Variants in TCERG1L observed in about 807,000 individuals in gnomAD.
TCERG1L encodes transcription elongation regulator 1-like protein.
TCERG1L carries 37 observed loss-of-function variants against 56.3 expected under a neutral mutation model. The ratio of observed to expected loss-of-function variants is 0.66; its 90% CI spans 0.51 to 0.87. The LOEUF is 0.87. TCERG1L is among the 40% of genes least tolerant of loss of function. The pLI, the probability that TCERG1L is intolerant of heterozygous loss-of-function variation, is 0.00. For missense variants in TCERG1L, 799 were observed against 774.2 expected (o/e 1.03, Z -0.38); for synonymous variants, 324 against 326.3 (o/e 0.99, Z 0.08).
At chr10:131,265,846 G>A (rs1392108679) in intron 3 of TCERG1L, among the ~76,000 whole-genome samples, 1 of 152,230 alleles carries the variant, frequency 6.6e-6, no homozygotes, top group Non-Finnish European at 1.5e-5. Flanking sequence ...TCAGGATGGT[G>A]GTTGCTGAAG....
chr10:131,264,999 T>C (rs562535071), intron 3 of TCERG1L, among the ~76,000 whole-genome samples: 1 of 152,294 alleles, frequency 6.6e-6, no homozygotes, highest in Non-Finnish European at 1.5e-5. Flanking sequence ...GACTCTTGCC[T>C]GTCCCAGCCG....
At chr10:131,236,445 G>A (rs879421377) in intron 4 of TCERG1L, among the ~76,000 whole-genome samples, 4 of 152,278 alleles carry the variant, frequency 2.6e-5, no homozygotes, top group Middle Eastern at 3.4e-3. Context: ...GCCACAAACC[G>A]CATGATGTGG....
chr10:131,260,402 A>G lies in TCERG1L; in HGVS notation c.713T>C (p.Ile238Thr). The G allele has an allele frequency of 6.8e-7, 1 of 1,473,686 alleles. No homozygotes were observed. The highest frequency in any genetic ancestry group is 1.5e-5 in the African/African-American group (1 of 67,526). The allele number at this position is 1,473,686 out of a possible 1,614,324, so 91.3% of individuals were successfully genotyped here. A position where few individuals can be genotyped will look rare whatever the true frequency, so the allele number is the denominator to read the frequency against. Reference sequence around the variant, plus strand: ...AGCGGCGGCGGCGGTGGCGATGGCAATGGCGGGGCTGCTGGTCACCTTAAG... The same window carrying G: ...AGCGGCGGCGGCGGTGGCGATGGCAGTGGCGGGGCTGCTGGTCACCTTAAG... ...NSLKVTSSPA[I>T]AIATAAAAAM... Residue 238 changes from isoleucine to threonine, a missense_variant, in exon 4 of 12, where the codon ATT becomes ACT. Transcript: ENST00000368642. The surrounding 1 kb of genome is among the most constrained non-coding windows in gnomAD (Gnocchi z 5.8).
intron 4 of TCERG1L, among the ~76,000 whole-genome samples, chr10:131,210,077 A>G (rs1589749926): frequency 6.6e-6 from 1 of 152,268 alleles, no homozygotes; most frequent in Non-Finnish European, 1.5e-5. Context: ...CAGAAGTGAC[A>G]TAAAGATCAC....
At chr10:131,155,500 TCCA>T (rs1217172697) in intron 6 of TCERG1L, among the ~76,000 whole-genome samples, 1 of 152,152 alleles carries the variant, frequency 6.6e-6, no homozygotes, top group Non-Finnish European at 1.5e-5. Flanking sequence ...TCAGCCAGGC[TCCA>T]CCCGGGCTGG....
chr10:131,136,959 G>C (rs1845682009), intron 7 of TCERG1L, among the ~76,000 whole-genome samples: 1 of 151,640 alleles, frequency 6.6e-6, no homozygotes, highest in Non-Finnish European at 1.5e-5. Flanking sequence ...GGCCAACATG[G>C]TGAAACCTCG....
At chr10:131,126,457 G>A (rs138461632) in intron 8 of TCERG1L, among the ~76,000 whole-genome samples, 188 of 152,356 alleles carry the variant, frequency 1.2e-3, no homozygotes, top group African/African-American at 4.3e-3. Flanking sequence ...TTTGCTGGTG[G>A]CCTCGTTCTG....
intron 3 of TCERG1L, among the ~76,000 whole-genome samples, chr10:131,291,919 G>C (rs968543361): frequency 3.3e-5 from 5 of 152,162 alleles, no homozygotes; most frequent in African/African-American, 1.2e-4. Flanking sequence ...TATGTGAATA[G>C]AGTATTTTCT....
At chr10:131,203,113 GC>G (rs1259528068) in intron 4 of TCERG1L, among the ~76,000 whole-genome samples, 2 of 152,126 alleles carry the variant, frequency 1.3e-5, no homozygotes, top group Admixed American at 1.3e-4. Flanking sequence ...ATAGACAACA[GC>G]CCTCAAAGCT....
chr10:131,167,808 T>C (rs1846047921), intron 4 of TCERG1L, among the ~76,000 whole-genome samples: 1 of 152,194 alleles, frequency 6.6e-6, no homozygotes, highest in Non-Finnish European at 1.5e-5. Flanking sequence ...TTCCCAAAGA[T>C]TGTTACTTTT....
chr10:131,264,339 C>T (rs1285596283), intron 3 of TCERG1L, among the ~76,000 whole-genome samples: 1 of 152,174 alleles, frequency 6.6e-6, no homozygotes, highest in Non-Finnish European at 1.5e-5. Flanking sequence ...GCTCCTGGGT[C>T]GGGAAGGGGC....
intron 4 of TCERG1L, among the ~76,000 whole-genome samples, chr10:131,188,939 T>C (rs1589741935): frequency 6.6e-6 from 1 of 152,224 alleles, no homozygotes; most frequent in Non-Finnish European, 1.5e-5. Flanking sequence ...TCTATCCCTT[T>C]TTCTGTACAC....
intron 4 of TCERG1L, among the ~76,000 whole-genome samples, chr10:131,197,112 T>C (rs2944470): frequency 0.45 from 68,197 of 151,772 alleles, 16,765 homozygotes; most frequent in South Asian, 0.62. Flanking sequence ...AGAAGTTTTG[T>C]TGCAGCTTTC....
At chr10:131,226,359 G>T (rs1044548909) in intron 4 of TCERG1L, among the ~76,000 whole-genome samples, 3 of 152,200 alleles carry the variant, frequency 2.0e-5, no homozygotes, top group African/African-American at 4.8e-5. Flanking sequence ...GTCCAGGTGT[G>T]AGCCTCCATG....
At position 131,288,627 on chromosome 10, in the gene TCERG1L, C is replaced by T. The variant is rs117430480; in HGVS notation, c.670+19584G>A. On this transcript the variant is annotated intron_variant, in intron 3 of 11. Transcript: ENST00000368642. ...AAAATTACCTCGGAACGGGCCCTTA[C>T]TTGAAGTAGAATCTTTGCAGATGAA... Among the ~76,000 whole-genome samples the T allele has an allele frequency of 4.0e-3, 613 of 152,300 alleles. 1 individual carries two copies. The highest frequency in any genetic ancestry group is 5.2e-3 in the Non-Finnish European group (356 of 68,022).
At chr10:131,200,309 G>A (rs2133472999) in intron 4 of TCERG1L, among the ~76,000 whole-genome samples, 1 of 152,308 alleles carries the variant, frequency 6.6e-6, no homozygotes, top group South Asian at 2.1e-4. Flanking sequence ...GAAGTCCAAG[G>A]CCAAGGCACT....
intron 7 of TCERG1L, among the ~76,000 whole-genome samples, chr10:131,135,897 C>T (rs1204446689): frequency 2.6e-5 from 4 of 152,204 alleles, no homozygotes; most frequent in Non-Finnish European, 4.4e-5. Context: ...CCCGGAAGGG[C>T]GGAGGAGCCA....
chr10:131,182,059 G>C (rs1389563457), intron 4 of TCERG1L, among the ~76,000 whole-genome samples: 2 of 152,258 alleles, frequency 1.3e-5, no homozygotes, highest in South Asian at 4.1e-4. Flanking sequence ...TGTGTACACA[G>C]CATCTGTGTG....
intron 8 of TCERG1L, among the ~76,000 whole-genome samples, chr10:131,124,358 G>A (rs111630146): frequency 9.9e-5 from 15 of 152,236 alleles, no homozygotes; most frequent in South Asian, 2.1e-4. Flanking sequence ...GGGAGTCCCC[G>A]TCCCCAAGGC....
Sources: gnomAD v4.1 joint callset for allele counts (sites outside exome capture counted in the v4.1 genomes callset) on GRCh38, gnomAD v4.1.1 for gene constraint, Gnocchi (gnomAD v3.1) non-coding constraint, MANE v1.5 for transcripts, NCBI Gene and HGNC (gene_info 2026-07-23, HGNC 2026-07-21) for gene names.